PTPRR: variants seen among roughly 807,000 people sequenced by gnomAD.
PTPRR encodes receptor-type tyrosine-protein phosphatase R.
A neutral mutation model predicts 77.2 loss-of-function variants in PTPRR; 38 were observed. The ratio of observed to expected loss-of-function variants is 0.49; its 90% confidence interval spans 0.38 to 0.65. The LOEUF (loss-of-function observed/expected upper bound fraction) is 0.65. PTPRR is among the 30% of genes least tolerant of loss of function. The pLI is 0.00. For synonymous variants in PTPRR, 299 were observed against 283.1 expected (o/e 1.06, Z -0.57); for missense variants, 744 against 799.2 (o/e 0.93, Z 0.83).
rs180722595 is a variant in PTPRR at position 70,797,874 on chromosome 12, T to C, written c.358-33096A>G. 2.8e-3 allele frequency among the ~76,000 whole-genome samples: 426 copies of C among 152,274 alleles called. 2 individuals are homozygous for C. The highest frequency in any genetic ancestry group is 7.8e-3 in the African/African-American group (325 of 41,562). On this transcript the variant is annotated intron_variant, in intron 2 of 13. Coordinates refer to ENST00000283228, the MANE Select transcript of PTPRR (RefSeq NM_002849.4). ...GCTTAGGGTTCCTGCCTGGACACTT[T>C]CTATTTCTACTCTTTCTATTTTTTA...
intron 7 of PTPRR, among the ~76,000 whole-genome samples, chr12:70,700,344 T>C (rs1888374707): frequency 6.6e-6 from 1 of 152,208 alleles, no homozygotes. Flanking sequence ...TCTTACTTCA[T>C]GTTCTCTGAG....
intron 6 of PTPRR, among the ~76,000 whole-genome samples, chr12:70,737,803 G>A (rs551757147): frequency 5.3e-5 from 8 of 152,296 alleles, no homozygotes; most frequent in Non-Finnish European, 7.4e-5. Flanking sequence ...GATTACAGGC[G>A]TGAGCCACCA....
intron 2 of PTPRR, among the ~76,000 whole-genome samples, chr12:70,823,623 C>T (rs1297492344): frequency 1.3e-5 from 2 of 152,210 alleles, no homozygotes; most frequent in African/African-American, 4.8e-5. Flanking sequence ...CTCTCCCTTC[C>T]TTACAGTTCC....
intron 2 of PTPRR, among the ~76,000 whole-genome samples, chr12:70,885,265 C>T (rs1367510531): frequency 6.6e-6 from 1 of 152,082 alleles, no homozygotes; most frequent in East Asian, 1.9e-4. Flanking sequence ...GGATGAGTGG[C>T]CTTAAATCAG....
intron 6 of PTPRR, among the ~76,000 whole-genome samples, chr12:70,731,584 C>G (rs1435846464): frequency 1.3e-5 from 2 of 152,132 alleles, no homozygotes; most frequent in Non-Finnish European, 2.9e-5. Flanking sequence ...GCAGAGGGGC[C>G]ACGACCACAG....
intron 6 of PTPRR, among the ~76,000 whole-genome samples, chr12:70,740,801 C>T (rs1013042067): frequency 5.3e-5 from 8 of 152,042 alleles, no homozygotes; most frequent in East Asian, 1.9e-4. Context: ...TGAAGCCATA[C>T]TTTTATGCAA....
chr12:70,786,367 A>T (rs1891321486), intron 2 of PTPRR, among the ~76,000 whole-genome samples: 1 of 152,238 alleles, frequency 6.6e-6, no homozygotes, highest in African/African-American at 2.4e-5. Context: ...CATTCTAGTC[A>T]TAAACTGATA....
At chr12:70,865,854 T>C (rs968274298) in intron 2 of PTPRR, among the ~76,000 whole-genome samples, 2 of 152,174 alleles carry the variant, frequency 1.3e-5, no homozygotes, top group Non-Finnish European at 2.9e-5. Context: ...GCACGTATTC[T>C]GTCTAAAGAG....
intron 2 of PTPRR, among the ~76,000 whole-genome samples, chr12:70,818,701 CTG>C (rs750294401): frequency 6.6e-6 from 1 of 152,124 alleles, no homozygotes; most frequent in Non-Finnish European, 1.5e-5. Flanking sequence ...TACCAAAAAT[CTG>C]TGTCAAATCA....
intron 2 of PTPRR, among the ~76,000 whole-genome samples, chr12:70,766,746 G>T (rs1322447100): frequency 1.3e-5 from 2 of 151,992 alleles, no homozygotes; most frequent in Admixed American, 6.5e-5. Flanking sequence ...AGGAAAAAAT[G>T]TTAAGGGCAG....
At position 70,850,463 on chromosome 12, in the gene PTPRR, A is replaced by C. The variant is rs896347099; in HGVS notation, c.357+42216T>G. 3.9e-5 allele frequency among the ~76,000 whole-genome samples: 6 copies of C among 152,318 alleles called. No homozygotes were observed. The East Asian group carries it at 1.2e-3, about 29-fold the overall frequency. ...GAAATAATAAGCTGAATCCAACTCT[A>C]CTAACTAAAATGACTACCTACCTCA... is the stretch of plus-strand genomic sequence containing the variant. On this transcript the variant is annotated intron_variant, in intron 2 of 13. Coordinates refer to ENST00000283228, the MANE Select transcript of PTPRR (RefSeq NM_002849.4).
intron 2 of PTPRR, among the ~76,000 whole-genome samples, chr12:70,838,722 AGT>A (rs1456900220): frequency 6.6e-6 from 1 of 152,188 alleles, no homozygotes. Context: ...ACAGACATAG[AGT>A]GAAGTACAAG....
At chr12:70,685,869 T>C (rs1042869384) in intron 8 of PTPRR, among the ~76,000 whole-genome samples, 4 of 152,144 alleles carry the variant, frequency 2.6e-5, no homozygotes, top group African/African-American at 9.7e-5. Flanking sequence ...ATTTTTCAGA[T>C]AGGAAACTAA....
At chr12:70,875,645 A>AG (rs1893038765) in intron 2 of PTPRR, among the ~76,000 whole-genome samples, 1 of 151,926 alleles carries the variant, frequency 6.6e-6, no homozygotes, top group Non-Finnish European at 1.5e-5. Flanking sequence ...CTAAGTAGAA[A>AG]AAAAAAAAAA....
At chr12:70,822,651 C>T (rs1286346805) in intron 2 of PTPRR, among the ~76,000 whole-genome samples, 19 of 151,786 alleles carry the variant, frequency 1.3e-4, no homozygotes, top group Admixed American at 1.2e-3. Context: ...TCCCACCTTC[C>T]AGGCAGGATT....
At chr12:70,826,476 T>C (rs1045584300) in intron 2 of PTPRR, among the ~76,000 whole-genome samples, 1 of 152,264 alleles carries the variant, frequency 6.6e-6, no homozygotes, top group East Asian at 1.9e-4. Context: ...TGCTACTCAA[T>C]AGCACTTAGG....
At chr12:70,894,017 A>T (rs942673120) in intron 1 of PTPRR, among the ~76,000 whole-genome samples, 1 of 151,854 alleles carries the variant, frequency 6.6e-6, no homozygotes, top group African/African-American at 2.4e-5. Flanking sequence ...GATAATACAT[A>T]TGAATCAAAA....
chr12:70,863,983 A>T (rs1276923074), intron 2 of PTPRR, among the ~76,000 whole-genome samples: 1 of 152,218 alleles, frequency 6.6e-6, no homozygotes. Context: ...TGTTTTAATT[A>T]TAAAGAACAG....
chr12:70,816,340 A>G (rs866190644), intron 2 of PTPRR, among the ~76,000 whole-genome samples: 10 of 152,252 alleles, frequency 6.6e-5, no homozygotes, highest in Middle Eastern at 6.8e-3. Flanking sequence ...AAACAGGTCT[A>G]TGTACTATAG....
Sources: allele counts gnomAD v4.1 joint callset (sites outside exome capture counted in the v4.1 genomes callset), GRCh38; gene constraint gnomAD v4.1.1; transcripts MANE v1.5; gene names NCBI Gene and HGNC (gene_info 2026-07-23, HGNC 2026-07-21).